The following FGGY variants were observed in gnomAD, a reference collection of about 807,000 sequenced individuals.
FGGY encodes FGGY carbohydrate kinase domain containing.
In FGGY, 72 loss-of-function variants were observed where a neutral mutation model predicts 71.3. The ratio of observed to expected loss-of-function variants is 1.01; its 90% CI spans 0.84 to 1.23. FGGY has a LOEUF of 1.23. FGGY is among the 50% of genes most tolerant of loss of function. The pLI is 0.00. For missense variants in FGGY, 668 were observed against 682.3 expected, an observed-to-expected ratio of 0.98 and a Z score of 0.23; for synonymous variants, 251 against 250.3, an observed-to-expected ratio of 1.00 and a Z score of -0.02.
At chr1:59,523,537 A>G (rs1451992971) in intron 7 of FGGY, among the ~76,000 whole-genome samples, 1 of 152,174 alleles carries the variant, frequency 6.6e-6, no homozygotes. Context: ...AAAATTTTCC[A>G]TATGGGCATC....
intron 4 of FGGY, among the ~76,000 whole-genome samples, chr1:59,371,142 G>T (rs1248300451): frequency 6.6e-6 from 1 of 152,182 alleles, no homozygotes; most frequent in Non-Finnish European, 1.5e-5. Context: ...ACCCATCAGT[G>T]TGTTGTATTC....
chr1:59,740,279 G>A (rs1326310813), intron 14 of FGGY, among the ~76,000 whole-genome samples: 1 of 152,142 alleles, frequency 6.6e-6, no homozygotes, highest in African/African-American at 2.4e-5. Context: ...TTTCTACAAT[G>A]ACTATTATCA....
chr1:59,424,874 A>T (rs2153450534), intron 5 of FGGY, among the ~76,000 whole-genome samples: 1 of 152,360 alleles, frequency 6.6e-6, no homozygotes. Flanking sequence ...GTTATGAAGG[A>T]TATAGGCATT....
chr1:59,655,573 G>C (rs1037244100), intron 11 of FGGY, among the ~76,000 whole-genome samples: 1 of 152,254 alleles, frequency 6.6e-6, no homozygotes, highest in East Asian at 1.9e-4. Context: ...ATGGTTTCCA[G>C]ATTCATCCAT....
chr1:59,473,777 ACTC>A (rs536907653), intron 6 of FGGY, among the ~76,000 whole-genome samples: 1 of 151,958 alleles, frequency 6.6e-6, no homozygotes, highest in African/African-American at 2.4e-5. Context: ...TCTAATTACT[ACTC>A]CTGCCAATGC....
chr1:59,319,229 C>T (rs1345334609), intron 1 of FGGY, among the ~76,000 whole-genome samples: 4 of 151,998 alleles, frequency 2.6e-5, no homozygotes, highest in East Asian at 1.9e-4. Context: ...AAATGAGTGC[C>T]GTAGAATGAA....
At chr1:59,576,673 G>GACACACACACAC (rs757918588) in intron 8 of FGGY, among the ~76,000 whole-genome samples, 94 of 132,390 alleles carry the variant, frequency 7.1e-4, no homozygotes, top group African/African-American at 2.6e-3. Context: ...CAGACAGACA[G>GACACACACACAC]ACAGACACAC....
chr1:59,677,704 A>C (rs2097450507), intron 14 of FGGY, among the ~76,000 whole-genome samples: 1 of 152,216 alleles, frequency 6.6e-6, no homozygotes, highest in Admixed American at 6.5e-5. Context: ...TATCAGGGGA[A>C]GGGAGACTGG....
intron 6 of FGGY, among the ~76,000 whole-genome samples, chr1:59,480,055 A>G (rs1400559115): frequency 2.0e-5 from 3 of 152,308 alleles, no homozygotes; most frequent in South Asian, 4.1e-4. Flanking sequence ...CTGTGTTCCC[A>G]TAATCTCGCA....
At chr1:59,627,454 TTA>T (rs60500862) in intron 10 of FGGY, among the ~76,000 whole-genome samples, 15,235 of 96,886 alleles carry the variant, frequency 0.16, 1,161 homozygotes, top group South Asian at 0.24. Context: ...ACTTATGATT[TTA>T]TATATATATA....
chr1:59,547,499 G>A (rs909781669), intron 7 of FGGY, among the ~76,000 whole-genome samples: 2 of 152,000 alleles, frequency 1.3e-5, no homozygotes, highest in African/African-American at 2.4e-5. Flanking sequence ...GTCCCACCCC[G>A]AGGTCCCCCA....
intron 6 of FGGY, among the ~76,000 whole-genome samples, chr1:59,459,784 G>A (rs577384684): frequency 1.2e-4 from 19 of 152,266 alleles, no homozygotes; most frequent in African/African-American, 2.6e-4. Flanking sequence ...TCAGCATGCC[G>A]CGGTTGCCTT....
At chr1:59,690,113 C>A (rs2097577676) in intron 14 of FGGY, among the ~76,000 whole-genome samples, 1 of 152,104 alleles carries the variant, frequency 6.6e-6, no homozygotes, top group South Asian at 2.1e-4. Flanking sequence ...TATAGAAAAT[C>A]CTAAAATGGA....
intron 6 of FGGY, among the ~76,000 whole-genome samples, chr1:59,470,170 G>A (rs1408874476): frequency 6.6e-5 from 10 of 152,086 alleles, no homozygotes; most frequent in African/African-American, 2.2e-4. Flanking sequence ...TTGAGGAATC[G>A]CCACATTGTC....
intron 1 of FGGY, among the ~76,000 whole-genome samples, chr1:59,315,057 C>T (rs1204134415): frequency 1.3e-5 from 2 of 152,166 alleles, no homozygotes; most frequent in African/African-American, 4.8e-5. Flanking sequence ...GAGGTCTCTC[C>T]AGTTGGTGAC....
chr1:59,594,720 A>G (rs888581913), intron 8 of FGGY, among the ~76,000 whole-genome samples: 2 of 152,158 alleles, frequency 1.3e-5, no homozygotes, highest in Non-Finnish European at 2.9e-5. Flanking sequence ...CAAATTCTCA[A>G]ATTGCCAGGC....
rs545442329 is a variant in FGGY, at chr1:59,572,858, G to C, written c.903+18631G>C. The stretch of plus-strand genomic sequence containing the variant: ...GCAGTAGTCGTTCAGGCATTCCTTG[G>C]ACAGACTGGATTCACTAGAGAGAAA... On this transcript the variant is annotated intron_variant, in intron 8 of 15. Transcript: ENST00000303721. 1.3e-3 allele frequency among the ~76,000 whole-genome samples: 198 copies of C among 152,272 alleles called. 2 individuals carry two copies. The highest frequency in any genetic ancestry group is 4.5e-3 in the African/African-American group (185 of 41,560).
intron 7 of FGGY, among the ~76,000 whole-genome samples, chr1:59,537,835 C>A (rs2095358599): frequency 6.6e-6 from 1 of 152,074 alleles, no homozygotes; most frequent in East Asian, 1.9e-4. Flanking sequence ...ACACCTTATA[C>A]AAAAATCAAT....
rs193116160 is a variant in FGGY at position 59,329,784 on chromosome 1, G to A, written c.201+8034G>A. Reference sequence around the variant, plus strand: ...ATCCAATAGTTGCTGAACCCACAATGCCATTTAAATTTATAGTAATTACAA... The same window carrying A: ...ATCCAATAGTTGCTGAACCCACAATACCATTTAAATTTATAGTAATTACAA... On this transcript the variant is annotated intron_variant, in intron 2 of 15. Coordinates refer to ENST00000303721, the MANE Select transcript of FGGY (RefSeq NM_018291.5). 1.3e-3 allele frequency among the ~76,000 whole-genome samples: 205 copies of A among 152,228 alleles called. 1 individual carries two copies. Among genetic ancestry groups the A allele is most frequent in the African/African-American group, 4.7e-3 (196 of 41,522 alleles).
Sources: allele counts gnomAD v4.1 joint callset (sites outside exome capture counted in the v4.1 genomes callset), GRCh38; gene constraint gnomAD v4.1.1; transcripts MANE v1.5; gene names NCBI Gene and HGNC (gene_info 2026-07-23, HGNC 2026-07-21).